Variants in CSMD1 observed in about 807,000 individuals in gnomAD.
CSMD1 encodes CUB and sushi domain-containing protein 1.
In CSMD1, 213 loss-of-function variants were observed where a neutral mutation model predicts 417.5. The observed-to-expected ratio is 0.51, with a 90% CI of 0.46 to 0.57. The LOEUF is 0.57. CSMD1 is among the 20% of genes least tolerant of loss of function. The pLI is 0.00. For synonymous variants in CSMD1, 2,862 were observed against 1,736.8 expected, an observed-to-expected ratio of 1.65 and a Z score of -16.11; for missense variants, 6,923 against 4,529.7, an observed-to-expected ratio of 1.53 and a Z score of -15.17.
chr8:4,955,241 A>G (rs895613556), intron 1 of CSMD1, among the ~76,000 whole-genome samples: 1 of 152,202 alleles, frequency 6.6e-6, no homozygotes, highest in African/African-American at 2.4e-5. Context: ...GTTGCAATGC[A>G]TCTTTGAAAC....
chr8:3,560,282 C>T (rs1408715198), intron 10 of CSMD1, among the ~76,000 whole-genome samples: 3 of 152,068 alleles, frequency 2.0e-5, no homozygotes, highest in African/African-American at 4.8e-5. Context: ...AGAAGCATTT[C>T]CACATGCATC....
At chr8:4,120,274 G>T (rs1416225953) in intron 3 of CSMD1, among the ~76,000 whole-genome samples, 1 of 150,168 alleles carries the variant, frequency 6.7e-6, no homozygotes, top group East Asian at 1.9e-4. Flanking sequence ...GGTAAAGAAG[G>T]GTTTTCACCT....
At chr8:3,563,173 C>G (rs920280033) in intron 10 of CSMD1, among the ~76,000 whole-genome samples, 9 of 151,974 alleles carry the variant, frequency 5.9e-5, no homozygotes, top group Admixed American at 3.3e-4. Context: ...CACTGTGTGA[C>G]TACGTTTTAT....
intron 3 of CSMD1, among the ~76,000 whole-genome samples, chr8:4,104,475 T>C (rs577872609): frequency 6.6e-6 from 1 of 152,302 alleles, no homozygotes; most frequent in South Asian, 2.1e-4. Flanking sequence ...TGAATGTATT[T>C]GACTCTATTG....
chr8:2,943,537 C>T (rs117216448), intron 68 of CSMD1, among the ~76,000 whole-genome samples: 1 of 152,144 alleles, frequency 6.6e-6, no homozygotes, highest in African/African-American at 2.4e-5. Flanking sequence ...CTAAAATATA[C>T]CTTTTGTCCA....
intron 5 of CSMD1, among the ~76,000 whole-genome samples, chr8:3,791,446 G>A (rs1355733603): frequency 6.6e-6 from 1 of 152,220 alleles, no homozygotes; most frequent in Non-Finnish European, 1.5e-5. Flanking sequence ...TCCTAGCATA[G>A]TGCTGATACG....
At chr8:4,582,475 C>G (rs1799468750) in intron 2 of CSMD1, among the ~76,000 whole-genome samples, 1 of 152,206 alleles carries the variant, frequency 6.6e-6, no homozygotes, top group African/African-American at 2.4e-5. Context: ...CAGATCCACT[C>G]TTTCCTCCAG....
intron 7 of CSMD1, among the ~76,000 whole-genome samples, chr8:3,622,083 C>T (rs896142942): frequency 6.6e-6 from 1 of 152,028 alleles, no homozygotes; most frequent in African/African-American, 2.4e-5. Flanking sequence ...CCCATGTTTT[C>T]ACAGTCTGCA....
At chr8:3,636,400 A>G (rs184256618) in intron 7 of CSMD1, among the ~76,000 whole-genome samples, 2 of 151,754 alleles carry the variant, frequency 1.3e-5, no homozygotes, top group East Asian at 3.9e-4. Context: ...CTGGTCTCAG[A>G]CTCCTGACCT....
At chr8:3,040,728 G>A (rs1377079295) in intron 50 of CSMD1, among the ~76,000 whole-genome samples, 1 of 151,998 alleles carries the variant, frequency 6.6e-6, no homozygotes, top group Non-Finnish European at 1.5e-5. Context: ...GCTTGAACCC[G>A]AGAGACAGAG....
intron 3 of CSMD1, among the ~76,000 whole-genome samples, chr8:4,170,280 T>G (rs1057088265): frequency 2.6e-5 from 4 of 151,808 alleles, no homozygotes; most frequent in Non-Finnish European, 5.9e-5. Context: ...TTGGGTAGAG[T>G]CTATGAATTT....
chr8:3,152,196 T>A (rs562206435), intron 39 of CSMD1, among the ~76,000 whole-genome samples: 47 of 152,346 alleles, frequency 3.1e-4, no homozygotes, highest in African/African-American at 1.1e-3. Context: ...AGTTCATGCA[T>A]CTTGCCTTAT....
chr8:4,710,515 G>C (rs1361296408), intron 1 of CSMD1, among the ~76,000 whole-genome samples: 1 of 149,104 alleles, frequency 6.7e-6, no homozygotes, highest in Admixed American at 6.7e-5. Context: ...CATTGAGTAA[G>C]TGTGCCAGGA....
At chr8:4,312,223 T>C (rs1242213958) in intron 3 of CSMD1, among the ~76,000 whole-genome samples, 2 of 151,792 alleles carry the variant, frequency 1.3e-5, no homozygotes, top group East Asian at 1.9e-4. Flanking sequence ...GTAGAATGCA[T>C]AGATAGCGTA....
rs189800485 is a variant in CSMD1, at chr8:4,332,363, C to T, written c.415+87590G>A. ...ACGCTGAAAAAGGAAGACAGCATTG[C>T]ACTCAAATTAACGATTCCTACCATG... On this transcript the variant is annotated intron_variant, in intron 3 of 69. Transcript: ENST00000635120. Among the ~76,000 whole-genome samples, 8 of 152,200 alleles carry T rather than the reference C, an allele frequency of 5.3e-5. No homozygotes were observed. In the East Asian group the frequency reaches 1.2e-3, roughly 22 times the overall value.
intron 5 of CSMD1, among the ~76,000 whole-genome samples, chr8:3,768,591 C>T (rs1001474748): frequency 1.3e-5 from 2 of 152,192 alleles, no homozygotes; most frequent in African/African-American, 4.8e-5. Context: ...AAGTTCAACA[C>T]AGAGTGTAAC....
Position 4,070,258 on chromosome 8 carries a change from A to G in CSMD1, c.416-38159T>C, listed in dbSNP as rs2552118. ...TTATCATATATATTACAAACATGCAATTCAAACTCTAAAACATAATGTTGT... is the reference window on the plus strand; with the variant it reads ...TTATCATATATATTACAAACATGCAGTTCAAACTCTAAAACATAATGTTGT... On this transcript the variant is annotated intron_variant, in intron 3 of 69. Transcript: ENST00000635120. Among the ~76,000 whole-genome samples the G allele has an allele frequency of 9.3e-3, 1,415 of 152,238 alleles. 26 individuals carry two copies. Among genetic ancestry groups the G allele is most frequent in the African/African-American group, 0.032 (1,348 of 41,540 alleles).
chr8:3,559,463 T>C (rs1272788237), intron 10 of CSMD1, among the ~76,000 whole-genome samples: 1 of 152,070 alleles, frequency 6.6e-6, no homozygotes, highest in East Asian at 1.9e-4. Context: ...TGTAAATGTG[T>C]GGAACATCAT....
chr8:3,860,572 T>C (rs941242365), intron 5 of CSMD1, among the ~76,000 whole-genome samples: 2 of 152,308 alleles, frequency 1.3e-5, no homozygotes, highest in Non-Finnish European at 2.9e-5. Flanking sequence ...AATACGCATA[T>C]GTATTGCTAA....
Sources: allele counts gnomAD v4.1 joint callset (sites outside exome capture counted in the v4.1 genomes callset), GRCh38; gene constraint gnomAD v4.1.1; transcripts MANE v1.5; gene names NCBI Gene and HGNC (gene_info 2026-07-23, HGNC 2026-07-21).